Variants in ERBB4 observed in about 807,000 individuals in gnomAD.
ERBB4 encodes receptor tyrosine-protein kinase erbB-4.
ERBB4 carries 42 observed loss-of-function variants against 158.0 expected under a neutral mutation model. The ratio of observed to expected loss-of-function variants is 0.27; its 90% confidence interval spans 0.21 to 0.34. The LOEUF is 0.34. Among genes scored for constraint, ERBB4 ranks in the 10% least tolerant of loss-of-function variants. The pLI is 1.00. For synonymous variants in ERBB4, 583 were observed against 558.7 expected (o/e 1.04, Z -0.61); for missense variants, 1,333 against 1,624.1 (o/e 0.82, Z 3.08).
intron 1 of ERBB4, among the ~76,000 whole-genome samples, chr2:212,506,951 C>T (rs1027869788): frequency 6.6e-6 from 1 of 152,180 alleles, no homozygotes. Flanking sequence ...CTAGCACTTT[C>T]ATAGAAAGAA....
At chr2:211,925,819 T>C (rs1159734952) in intron 3 of ERBB4, among the ~76,000 whole-genome samples, 1 of 152,216 alleles carries the variant, frequency 6.6e-6, no homozygotes, top group Admixed American at 6.6e-5. Flanking sequence ...GGCATTTCCA[T>C]TTCATACTTT....
intron 3 of ERBB4, among the ~76,000 whole-genome samples, chr2:211,905,126 A>G (rs2079342837): frequency 6.6e-6 from 1 of 152,078 alleles, no homozygotes; most frequent in Non-Finnish European, 1.5e-5. Context: ...ACAAGTCTGA[A>G]ATGGGTCTTG....
At chr2:211,794,773 G>T (rs1349992457) in intron 3 of ERBB4, among the ~76,000 whole-genome samples, 3 of 151,682 alleles carry the variant, frequency 2.0e-5, no homozygotes, top group African/African-American at 7.3e-5. Flanking sequence ...ATGAACATAG[G>T]ATTTCCTTCT....
intron 3 of ERBB4, among the ~76,000 whole-genome samples, chr2:211,816,891 C>T (rs1179820610): frequency 6.6e-6 from 1 of 152,066 alleles, no homozygotes. Context: ...CACTGTGTTC[C>T]CATAGGTACT....
chr2:212,522,282 A>G (rs896289609), intron 1 of ERBB4, among the ~76,000 whole-genome samples: 4 of 151,982 alleles, frequency 2.6e-5, no homozygotes, highest in African/African-American at 9.7e-5. Context: ...GATATTGTAT[A>G]AGAAGTGCCT....
At chr2:211,844,747 G>A (rs1161248023) in intron 3 of ERBB4, among the ~76,000 whole-genome samples, 1 of 152,124 alleles carries the variant, frequency 6.6e-6, no homozygotes. Flanking sequence ...CATGACTATA[G>A]TATTTCTTCA....
intron 1 of ERBB4, among the ~76,000 whole-genome samples, chr2:212,384,890 A>AATATATATATATATATATATAT (rs67216333): frequency 1.6e-5 from 2 of 123,188 alleles, no homozygotes; most frequent in African/African-American, 6.4e-5. Flanking sequence ...ATGTTTGTGG[A>AATATATATATATATATATATAT]ATATATATAT....
chr2:211,891,729 C>T (rs2078974401), intron 3 of ERBB4, among the ~76,000 whole-genome samples: 1 of 138,808 alleles, frequency 7.2e-6, no homozygotes, highest in African/African-American at 2.9e-5. Flanking sequence ...CGGGATATCA[C>T]CACCGATCCC....
chr2:212,119,907 A>G (rs184516366), intron 2 of ERBB4, among the ~76,000 whole-genome samples: 2 of 152,298 alleles, frequency 1.3e-5, no homozygotes, highest in East Asian at 1.9e-4. Flanking sequence ...TGCATCTTCA[A>G]TTCAATTGCA....
chr2:212,127,259 T>C (rs762646662), intron 1 of ERBB4, among the ~76,000 whole-genome samples: 5 of 152,212 alleles, frequency 3.3e-5, no homozygotes, highest in Non-Finnish European at 5.9e-5. Context: ...CAGGATGACA[T>C]TGAATGTGGC....
At chr2:211,628,176 T>A (rs895392561) in intron 17 of ERBB4, among the ~76,000 whole-genome samples, 11 of 138,618 alleles carry the variant, frequency 7.9e-5, no homozygotes, top group South Asian at 7.1e-4. Context: ...TTTTTTTTTT[T>A]AATTATTATA....
At chr2:212,115,477 T>C (rs1239537189) in intron 2 of ERBB4, among the ~76,000 whole-genome samples, 1 of 152,240 alleles carries the variant, frequency 6.6e-6, no homozygotes, top group Admixed American at 6.5e-5. Context: ...AATTAAAAGA[T>C]AGCTCATTGC....
intron 1 of ERBB4, among the ~76,000 whole-genome samples, chr2:212,438,315 T>C (rs1187121413): frequency 6.6e-6 from 1 of 152,140 alleles, no homozygotes; most frequent in Non-Finnish European, 1.5e-5. Flanking sequence ...TCTTCACGTT[T>C]ATAAATACCA....
At chr2:212,211,629 A>ACAAACC (rs148929858) in intron 1 of ERBB4, among the ~76,000 whole-genome samples, 2 of 148,494 alleles carry the variant, frequency 1.3e-5, no homozygotes, top group African/African-American at 2.5e-5. Flanking sequence ...AAAAAAAAAA[A>ACAAACC]TGGATACATG....
At position 211,928,087 on chromosome 2, in the gene ERBB4, G is replaced by A. The variant is rs370726706; in HGVS notation, c.421+19343C>T. 1.8e-4 allele frequency among the ~76,000 whole-genome samples: 27 copies of A among 152,044 alleles called. No individual in the cohort carries two copies. The East Asian group carries it at 4.1e-3, about 23-fold the overall frequency. Reference sequence around the variant, plus strand: ...GCTTTCAGAAACAACACCATTTAACGTAGGTCACGCACCTGGAATATTCAC... The same window carrying A: ...GCTTTCAGAAACAACACCATTTAACATAGGTCACGCACCTGGAATATTCAC... On this transcript the variant is annotated intron_variant, in intron 3 of 27. Coordinates refer to ENST00000342788, the MANE Select transcript of ERBB4 (RefSeq NM_005235.3).
At chr2:212,427,985 A>G (rs2091950722) in intron 1 of ERBB4, among the ~76,000 whole-genome samples, 1 of 152,224 alleles carries the variant, frequency 6.6e-6, no homozygotes. Flanking sequence ...TTTCAGAAAT[A>G]CAGAACTGAG....
chr2:212,077,207 TG>T (rs968008493), intron 2 of ERBB4, among the ~76,000 whole-genome samples: 7 of 151,868 alleles, frequency 4.6e-5, no homozygotes, highest in African/African-American at 1.7e-4. Context: ...AACACAACTG[TG>T]GGGGGCAAAA....
At chr2:212,199,324 CA>C (rs2082524484) in intron 1 of ERBB4, among the ~76,000 whole-genome samples, 2 of 152,234 alleles carry the variant, frequency 1.3e-5, no homozygotes, top group East Asian at 3.9e-4. Flanking sequence ...GTACCCATTA[CA>C]TTAAGGTAAT....
chr2:211,658,099 T>A, intron 15 of ERBB4: 1 of 797,148 alleles, frequency 1.3e-6, no homozygotes, highest in Non-Finnish European at 2.0e-6. Flanking sequence ...ACTATTAGAC[T>A]ATTTTGGAAC....
Sources: allele counts gnomAD v4.1 joint callset (sites outside exome capture counted in the v4.1 genomes callset), GRCh38; gene constraint gnomAD v4.1.1; transcripts MANE v1.5; gene names NCBI Gene and HGNC (gene_info 2026-07-23, HGNC 2026-07-21).